Variants in RGL2 observed in about 807,000 individuals in gnomAD.
RGL2 encodes the protein ral guanine nucleotide dissociation stimulator like 2, also known as ral guanine nucleotide dissociation stimulator-like 2.
RGL2 carries 40 observed loss-of-function variants against 84.6 expected under a neutral mutation model. The observed-to-expected ratio is 0.47, with a 90% confidence interval of 0.37 to 0.62. RGL2 has a LOEUF of 0.62. Among genes scored for constraint, RGL2 ranks in the 20% least tolerant of loss-of-function variants. The pLI, the probability that RGL2 is intolerant of heterozygous loss-of-function variation, is 0.00. For missense variants in RGL2, 865 were observed against 1,019.7 expected (o/e 0.85, Z 2.07); for synonymous variants, 369 against 417.3 (o/e 0.88, Z 1.41).
rs1240287482 is a variant in RGL2, at chr6:33,294,773, G to A, written c.1279-11C>T. 4 of 1,613,420 alleles carry A rather than the reference G, an allele frequency of 2.5e-6. No individual in the cohort carries two copies. The highest frequency in any genetic ancestry group is 3.4e-6 in the Non-Finnish European group (4 of 1,179,654). On this transcript the variant is annotated splice_polypyrimidine_tract_variant and intron_variant, in intron 10 of 17. Coordinates refer to ENST00000497454, the MANE Select transcript of RGL2 (RefSeq NM_004761.5). This position sits in a 1 kb window ranked among gnomAD's most constrained non-coding sequence, Gnocchi z 5.0. ...GTATGGGACCACACCCTGAAGTCAG[G>A]GGTCAGGGTCAGAAGTGCCTGCCAT...
rs1429045774 is a variant in RGL2, at chr6:33,294,615, G to A, written c.1353+73C>T. The stretch of plus-strand genomic sequence containing the variant: ...TTTGTGCCTTACAGCCCCTTGCAAG[G>A]GGCGGGGGGGTCTGTCCGACCCTGC... On this transcript the variant is annotated intron_variant, in intron 11 of 17. Transcript: ENST00000497454. This position sits in a 1 kb window ranked among gnomAD's most constrained non-coding sequence, Gnocchi z 5.0. 4.5e-6 allele frequency: 7 copies of A among 1,546,364 alleles called. No individual in the cohort carries two copies. The Admixed American group carries it at 6.9e-5, about 15-fold the overall frequency.
At chr6:33,299,688 G>C (rs1362513765), upstream of RGL2, 1 of 152,348 alleles carries the variant, frequency 6.6e-6, no homozygotes, top group Non-Finnish European at 1.5e-5. The surrounding 1 kb of genome is among the most constrained non-coding windows in gnomAD (Gnocchi z 5.0). Flanking sequence ...TGGAATGAGA[G>C]AACCGTTTGG....
In RGL2 at chr6:33,293,116, C is replaced by G. The variant is rs781050237; in HGVS notation, c.1907G>C (p.Gly636Ala). 6.2e-7 allele frequency: 1 copy of G among 1,613,858 alleles called. No individual in the cohort carries two copies. The highest frequency in any genetic ancestry group is 1.3e-5 in the African/African-American group (1 of 75,052). ...GGAEEASGGT[G>A]YGGEGSGPGA... is the part of the protein sequence containing the mutation. ...TGGCCCAGATCCCTCTCCCCCATAT[C>G]CAGTCCCCCCGGAGGCCTCTTCTGC... The change falls in exon 16 of 18, where the codon GGA (glycine) becomes GCA (alanine). Residue 636 changes from glycine to alanine, a missense_variant. By Grantham distance (60) the Gly-to-Ala change is moderately conservative (BLOSUM62 0). Coordinates refer to ENST00000497454, the MANE Select transcript of RGL2 (RefSeq NM_004761.5). The surrounding 1 kb of genome is among the most constrained non-coding windows in gnomAD (Gnocchi z 7.0).
chr6:33,291,847 T>C lies in RGL2; in HGVS notation c.*255A>G. On this transcript the variant is annotated 3_prime_UTR_variant, in exon 18 of 18. Coordinates refer to ENST00000497454, the MANE Select transcript of RGL2 (RefSeq NM_004761.5). ...CAAGAATCAGAAACTGATGCGTTTT[T>C]CCAGCACTACCTGTGTGCTGCACTC... 1 of 589,134 alleles carries C rather than the reference T, an allele frequency of 1.7e-6. No homozygotes were observed. Among genetic ancestry groups the C allele is most frequent in the Non-Finnish European group, 3.0e-6 (1 of 332,674 alleles). The allele number at this position is 589,134 out of a possible 1,614,324, so 36.5% of individuals were successfully genotyped here.
chr6:33,295,893 A>G lies in RGL2; in HGVS notation c.769-134T>C. On this transcript the variant is annotated intron_variant, in intron 6 of 17. Transcript: ENST00000497454. The surrounding 1 kb of genome is among the most constrained non-coding windows in gnomAD (Gnocchi z 7.2). ...TTGAAGGGTAACGACCAAAGGGAAA[A>G]GGGGAGAATCAAAATGGTAGGTGGA... The G allele has an allele frequency of 7.0e-7, 1 of 1,433,502 alleles. No individual in the cohort carries two copies. Among genetic ancestry groups the G allele is most frequent in the Non-Finnish European group, 9.6e-7 (1 of 1,040,342 alleles). The allele number at this position is 1,433,502 out of a possible 1,614,324, so 88.8% of individuals were successfully genotyped here.
chr6:33,292,559 G>A lies in RGL2; in HGVS notation c.2008-15C>T. ...TGGCTTGTCACCTGGCAGAACAGGA[G>A]ACCAAAAGAGCAATCAATCAGCCAT... On this transcript the variant is annotated splice_polypyrimidine_tract_variant and intron_variant, in intron 16 of 17. Transcript: ENST00000497454. 1 of 1,587,966 alleles carries A rather than the reference G, an allele frequency of 6.3e-7. No individual in the cohort carries two copies. Among genetic ancestry groups the A allele is most frequent in the Non-Finnish European group, 8.6e-7 (1 of 1,156,298 alleles).
Position 33,293,200 on chromosome 6 carries a change from G to A in RGL2, c.1823C>T (p.Pro608Leu), listed in dbSNP as rs1332113121. The change falls in exon 16 of 18, where the codon CCT becomes CTT. Residue 608 changes from proline to leucine, a missense_variant. Pro to Leu is a moderately conservative substitution (Grantham distance 98). Transcript: ENST00000497454. This position sits in a 1 kb window ranked among gnomAD's most constrained non-coding sequence, Gnocchi z 7.0. Reference protein sequence around the residue: ...PSHLSPPASSPRPSRGHRRSA... With the variant: ...PSHLSPPASSLRPSRGHRRSA... ...GCGGCGGTGACCTCGAGAAGGCCTA[G>A]GGGAGGAGGCTGGTGGGGAGAGGTG... The A allele has an allele frequency of 1.3e-6, 2 of 1,581,526 alleles. No homozygotes were observed. Among genetic ancestry groups the A allele is most frequent in the African/African-American group, 1.4e-5 (1 of 74,050 alleles).
In RGL2 at chr6:33,296,399, C is replaced by CCAGGG. The variant is rs774309748; in HGVS notation, c.470+10_470+14dup. On this transcript the variant is annotated intron_variant, in intron 5 of 17. Coordinates refer to ENST00000497454, the MANE Select transcript of RGL2 (RefSeq NM_004761.5). This position sits in a 1 kb window ranked among gnomAD's most constrained non-coding sequence, Gnocchi z 5.0. ...GCAGAGGGGACTGTGAGATTAAGAA[C>CCAGGG]CAGGGGTCACTCACTCTGTTGTCCT... 1.9e-6 allele frequency: 3 copies of CCAGGG among 1,609,222 alleles called. No individual in the cohort carries two copies. The highest frequency in any genetic ancestry group is 2.2e-5 in the East Asian group (1 of 44,862).
Position 33,295,322 on chromosome 6 carries a change from G to A in RGL2, c.1121C>T (p.Thr374Ile), listed in dbSNP as rs368638171. 6 of 1,573,268 alleles carry A rather than the reference G, an allele frequency of 3.8e-6. No individual in the cohort carries two copies. The highest frequency in any genetic ancestry group is 5.2e-6 in the Non-Finnish European group (6 of 1,159,550). The change falls in exon 8 of 18, where the codon ACC becomes ATC. Residue 374 changes from threonine to isoleucine, a missense_variant. Thr to Ile is a moderately conservative substitution (Grantham distance 89). Coordinates refer to ENST00000497454, the MANE Select transcript of RGL2 (RefSeq NM_004761.5). This position sits in a 1 kb window ranked among gnomAD's most constrained non-coding sequence, Gnocchi z 7.2. ...HRLRAAWGEATRDSLRVFSSL... is the reference protein window; with the variant it reads ...HRLRAAWGEAIRDSLRVFSSL... ...TCCAATGCCTCAGCCTCCGCACCTG[G>A]TTGCTTCCCCCCAGGCTGCCCGAAG...
Position 33,295,328 on chromosome 6 carries a change from T to TC in RGL2, c.1114dup (p.Glu372GlyfsTer22). The TC allele has an allele frequency of 1.3e-6, 2 of 1,577,414 alleles. No individual in the cohort carries two copies. Among genetic ancestry groups the TC allele is most frequent in the Non-Finnish European group, 8.6e-7 (1 of 1,161,856 alleles). ...GCCTCAGCCTCCGCACCTGGTTGCT[T>TC]CCCCCCAGGCTGCCCGAAGCCTGTG... On this transcript the variant is annotated frameshift_variant, in exon 8 of 18. Transcript: ENST00000497454. LOFTEE classifies it high-confidence loss of function. This position sits in a 1 kb window ranked among gnomAD's most constrained non-coding sequence, Gnocchi z 7.2.
Position 33,293,628 on chromosome 6 carries a change from G to A in RGL2, c.1580C>T (p.Thr527Ile), listed in dbSNP as rs754239403. The A allele has an allele frequency of 1.9e-6, 3 of 1,614,202 alleles. No homozygotes were observed. Among genetic ancestry groups the A allele is most frequent in the Middle Eastern group, 1.6e-4 (1 of 6,062 alleles). ...DPPAPRVLRP[T>I]LVISQWTEVL... ...CTCTGTCCACTGCGAGATGACCAATGTTGGCCGAAGCACCCGTGGGGCAGG... is the reference window on the plus strand; with the variant it reads ...CTCTGTCCACTGCGAGATGACCAATATTGGCCGAAGCACCCGTGGGGCAGG... The change falls in exon 14 of 18, where the codon ACA becomes ATA. Residue 527 changes from threonine (T) to isoleucine (I), a missense_variant. By Grantham distance (89) the Thr-to-Ile change is moderately conservative. This residue lies in a region of RGL2 where 302 missense variants were observed against 327.9 expected (regional missense o/e 0.92). Coordinates refer to ENST00000497454, the MANE Select transcript of RGL2 (RefSeq NM_004761.5). The surrounding 1 kb of genome is among the most constrained non-coding windows in gnomAD (Gnocchi z 7.0).
chr6:33,294,830 GC>G lies in RGL2; in HGVS notation c.1279-69del. On this transcript the variant is annotated intron_variant, in intron 10 of 17. Coordinates refer to ENST00000497454, the MANE Select transcript of RGL2 (RefSeq NM_004761.5). This position sits in a 1 kb window ranked among gnomAD's most constrained non-coding sequence, Gnocchi z 5.0. ...GAGGGCCCTCCATCCCTCCGCACTTGCCCTCCTCATTGCCTCAGAGAACAGA... is the reference window on the plus strand; with the variant it reads ...GAGGGCCCTCCATCCCTCCGCACTTGCCTCCTCATTGCCTCAGAGAACAGA... The G allele has an allele frequency of 6.5e-7, 1 of 1,548,196 alleles. No individual in the cohort carries two copies. The highest frequency in any genetic ancestry group is 2.3e-5 in the East Asian group (1 of 43,554).
In RGL2 at chr6:33,292,021, GAT is replaced by G. The variant is rs1767434401; in HGVS notation, c.*79_*80del. 1 of 1,452,820 alleles carries G rather than the reference GAT, an allele frequency of 6.9e-7. No homozygotes were observed. The highest frequency in any genetic ancestry group is 2.3e-5 in the East Asian group (1 of 43,944). 90.0% of individuals were successfully genotyped at this position (1,452,820 alleles called of 1,614,324 possible). A position where few individuals can be genotyped will look rare whatever the true frequency, so the allele number is the denominator to read the frequency against. Reference sequence around the variant, plus strand: ...CCTTTCTGAATTTCTGTCTCAATGTGATATAATTGCCACCATTCAGGATGGCT... The same window carrying G: ...CCTTTCTGAATTTCTGTCTCAATGTGATAATTGCCACCATTCAGGATGGCT... On this transcript the variant is annotated 3_prime_UTR_variant, in exon 18 of 18. Coordinates refer to ENST00000497454, the MANE Select transcript of RGL2 (RefSeq NM_004761.5).
upstream of RGL2, chr6:33,301,584 A>G (rs1401337718): frequency 6.3e-6 from 4 of 632,704 alleles, no homozygotes; most frequent in Non-Finnish European, 1.1e-5. Context: ...AAAAAAAAAA[A>G]AAAAAGAAAA....
Position 33,293,977 on chromosome 6 carries a change from C to T in RGL2, c.1386+57G>A. ...TCAGGGACCCCTGACTTTTCCCCCT[C>T]CCCTTCCTGGAACATGGATAGGGAA... On this transcript the variant is annotated intron_variant, in intron 12 of 17. Transcript: ENST00000497454. The surrounding 1 kb of genome is among the most constrained non-coding windows in gnomAD (Gnocchi z 7.0). The T allele has an allele frequency of 1.2e-6, 2 of 1,614,104 alleles. No homozygotes were observed. Among genetic ancestry groups the T allele is most frequent in the Non-Finnish European group, 1.7e-6 (2 of 1,180,012 alleles).
upstream of RGL2, chr6:33,300,489 G>C (rs539037753): frequency 1.3e-5 from 2 of 150,728 alleles, no homozygotes; most frequent in Non-Finnish European, 2.9e-5. Context: ...GTGAAACCCC[G>C]TCTCTACTAA....
Position 33,293,818 on chromosome 6 carries a change from G to C in RGL2, c.1485C>G (p.Leu495=). 6.2e-7 allele frequency: 1 copy of C among 1,614,140 alleles called. No homozygotes were observed. The highest frequency in any genetic ancestry group is 8.5e-7 in the Non-Finnish European group (1 of 1,180,034). The change falls in exon 13 of 18, where the codon CTC becomes CTG. Residue 495 remains leucine (L), a synonymous_variant. Transcript: ENST00000497454. The surrounding 1 kb of genome is among the most constrained non-coding windows in gnomAD (Gnocchi z 7.0). ...DHDIQRWLQG[L]RPLTEAQSHR... ...ACCTCTGAGCCTCTGTCAGTGGCCG[G>C]AGCCCCTGTAGCCACCTCTGGATAT...
At position 33,295,609 on chromosome 6, in the gene RGL2, C is replaced by G; in HGVS notation, c.919G>C (p.Gly307Arg). 2 of 1,613,990 alleles carry G rather than the reference C, an allele frequency of 1.2e-6. No individual in the cohort carries two copies. The highest frequency in any genetic ancestry group is 1.7e-6 in the Non-Finnish European group (2 of 1,180,034). ...VAGAVVSSVL[G>R]ATSTGEGPGE... Reference sequence around the variant, plus strand: ...GGTCCCTCTCCAGTGGAAGTAGCCCCCAGGACAGAACTAACCACTGCCCCT... The same window carrying G: ...GGTCCCTCTCCAGTGGAAGTAGCCCGCAGGACAGAACTAACCACTGCCCCT... Residue 307 changes from glycine (G) to arginine (R), a missense_variant, in exon 7 of 18, where the codon GGG (glycine) becomes CGG (arginine). Physicochemically the swap from Gly to Arg is moderately radical, Grantham distance 125. Transcript: ENST00000497454. The surrounding 1 kb of genome is among the most constrained non-coding windows in gnomAD (Gnocchi z 7.2).
In RGL2 at chr6:33,296,684, C is replaced by T; in HGVS notation, c.333G>A (p.Gly111=). ...AGGCTGACATGAAGCTCACATCAGT[C>T]CCTGATGTCCGGGTATCCAGTAGGT... is the stretch of plus-strand genomic sequence containing the variant. ...VRHLLDTRTS[G]TDVSFMSAFL... The change falls in exon 4 of 18, where the codon GGG becomes GGA. Residue 111 remains glycine, a synonymous_variant. Coordinates refer to ENST00000497454, the MANE Select transcript of RGL2 (RefSeq NM_004761.5). This position sits in a 1 kb window ranked among gnomAD's most constrained non-coding sequence, Gnocchi z 5.0. 1.9e-6 allele frequency: 3 copies of T among 1,613,886 alleles called. No homozygotes were observed. Among genetic ancestry groups the T allele is most frequent in the Non-Finnish European group, 2.5e-6 (3 of 1,179,938 alleles).
Sources: allele counts gnomAD v4.1 joint callset, GRCh38; gene constraint gnomAD v4.1.1; regional missense constraint gnomAD v4.1.1; non-coding constraint Gnocchi (gnomAD v3.1); transcripts MANE v1.5; gene names NCBI Gene and HGNC (gene_info 2026-07-23, HGNC 2026-07-21).